DGLUCY: variants seen among roughly 807,000 people sequenced by gnomAD.
The protein encoded by DGLUCY is D-glutamate cyclase, mitochondrial.
In DGLUCY, 58 loss-of-function variants were observed where a neutral mutation model predicts 58.5. That is an observed-to-expected ratio of 0.99 (90% CI 0.80 to 1.23). The LOEUF is 1.23. Among genes scored for constraint, DGLUCY ranks in the 50% most tolerant of loss-of-function variants. DGLUCY has a pLI of 0.00. For synonymous variants in DGLUCY, 325 were observed against 314.1 expected (o/e 1.03, Z -0.37); for missense variants, 779 against 784.7 (o/e 0.99, Z 0.09).
chr14:91,077,516 G>C (rs1332147788), intron 1 of DGLUCY, among the ~76,000 whole-genome samples: 2 of 152,000 alleles, frequency 1.3e-5, no homozygotes, highest in African/African-American at 4.8e-5. Context: ...CACTTTGGGA[G>C]GTCGAGGTGG....
intron 5 of DGLUCY, 50 bp from the exon 6 acceptor site, chr14:91,173,239 T>C: frequency 6.2e-7 from 1 of 1,606,874 alleles, no homozygotes; most frequent in Non-Finnish European, 8.5e-7. Flanking sequence ...GGATCTGTGC[T>C]AATTCCATTT....
At chr14:91,079,972 T>C (rs1428885444) in intron 1 of DGLUCY, among the ~76,000 whole-genome samples, 1 of 152,164 alleles carries the variant, frequency 6.6e-6, no homozygotes, top group Non-Finnish European at 1.5e-5. Flanking sequence ...ATTTTTCCCT[T>C]CCCCCAGGTA....
chr14:91,223,776 C>T, intron 13 of DGLUCY: 1 of 1,166,034 alleles, frequency 8.6e-7, no homozygotes, highest in Non-Finnish European at 1.1e-6. Context: ...GTGCCAAGGA[C>T]CCTGCTAAGT....
chr14:91,118,462 A>C (rs2045140783), intron 1 of DGLUCY, among the ~76,000 whole-genome samples: 1 of 92,036 alleles, frequency 1.1e-5, no homozygotes, highest in South Asian at 4.5e-4. Flanking sequence ...AGAGCTAGTT[A>C]ATAGATTTAC....
At chr14:91,071,535 T>C (rs1452762526) in intron 1 of DGLUCY, among the ~76,000 whole-genome samples, 2 of 152,092 alleles carry the variant, frequency 1.3e-5, no homozygotes, top group Admixed American at 6.6e-5. Context: ...TTGTTTTAAA[T>C]ACAGAACCAA....
At chr14:91,199,727 C>A in intron 10 of DGLUCY, 30 bp from the exon 11 acceptor site, 1 of 1,612,924 alleles carries the variant, frequency 6.2e-7, no homozygotes, top group Non-Finnish European at 8.5e-7. Context: ...CCATAGGACC[C>A]TCTGACCTCT....
chr14:91,161,829 T>A (rs982953044), intron 3 of DGLUCY, among the ~76,000 whole-genome samples: 45 of 138,756 alleles, frequency 3.2e-4, no homozygotes, highest in South Asian at 4.6e-4. Context: ...TTTTTTTTTT[T>A]AAATAAAAGT....
Position 91,215,426 on chromosome 14 carries a change from A to G in DGLUCY, c.1586A>G (p.Tyr529Cys). Residue 529 changes from tyrosine (Y) to cysteine (C), a missense_variant, in exon 13 of 14, where the codon TAT (tyrosine) becomes TGT (cysteine). Tyr to Cys is a radical substitution (Grantham distance 194, BLOSUM62 -2). Transcript: ENST00000256324. ...VIAGVSNWGG[Y>C]ALACALYILY... ...CTAGGTGTTTCTAACTGGGGAGGCT[A>G]TGCCCTGGCCTGCGCACTCTACATC... 2 of 1,609,192 alleles carry G rather than the reference A, an allele frequency of 1.2e-6. No homozygotes were observed. The highest frequency in any genetic ancestry group is 1.7e-6 in the Non-Finnish European group (2 of 1,176,330).
At chr14:91,138,493 AAAAAAG>A (rs1468069452) in intron 1 of DGLUCY, among the ~76,000 whole-genome samples, 1 of 152,174 alleles carries the variant, frequency 6.6e-6, no homozygotes, top group Admixed American at 6.5e-5. Flanking sequence ...TTTTGTCTAG[AAAAAAG>A]AAAAAGAAAA....
chr14:91,208,263 A>T (rs1431180286), intron 12 of DGLUCY, among the ~76,000 whole-genome samples: 1 of 152,224 alleles, frequency 6.6e-6, no homozygotes, highest in East Asian at 1.9e-4. Context: ...CAGAGACTTG[A>T]ATCTACATAA....
intron 12 of DGLUCY, 167 bp downstream of exon 12, chr14:91,204,992 C>T (rs1313896975): frequency 2.3e-6 from 2 of 873,804 alleles, no homozygotes; most frequent in East Asian, 2.8e-5. Flanking sequence ...AGTCATTCAA[C>T]AAACATTTAC....
At chr14:91,108,524 TGTGAGA>T (rs1409323696) in intron 1 of DGLUCY, among the ~76,000 whole-genome samples, 28 of 40,586 alleles carry the variant, frequency 6.9e-4, no homozygotes, top group African/African-American at 1.3e-3. Context: ...TGTGTGTGTG[TGTGAGA>T]GAGAGAGAGA....
At chr14:91,196,234 G>A (rs896922834) in intron 9 of DGLUCY, 141 bp from the exon 10 acceptor site, 34 of 659,316 alleles carry the variant, frequency 5.2e-5, no homozygotes, top group East Asian at 8.4e-5. Context: ...TCATGGCCTC[G>A]GCTTACCTAA....
chr14:91,182,872 C>T (rs1234263615), intron 8 of DGLUCY, among the ~76,000 whole-genome samples: 1 of 148,930 alleles, frequency 6.7e-6, no homozygotes, highest in Non-Finnish European at 1.5e-5. Flanking sequence ...GGTGGGATCC[C>T]CTAGGGGACC....
At chr14:91,107,083 C>T (rs944467091), upstream of DGLUCY, among the ~76,000 whole-genome samples, 1 of 152,158 alleles carries the variant, frequency 6.6e-6, no homozygotes, top group African/African-American at 2.4e-5. Flanking sequence ...CTGATGTCCA[C>T]AAATGTCCAT....
chr14:91,122,868 A>G (rs1169838779), intron 1 of DGLUCY, among the ~76,000 whole-genome samples: 1 of 152,124 alleles, frequency 6.6e-6, no homozygotes, highest in African/African-American at 2.4e-5. Context: ...CAGCCTCCCA[A>G]AGTGCTGGGA....
chr14:91,206,451 C>T (rs1053778990), intron 12 of DGLUCY, among the ~76,000 whole-genome samples: 2 of 152,022 alleles, frequency 1.3e-5, no homozygotes, highest in Non-Finnish European at 2.9e-5. Context: ...GGCACGATCT[C>T]AGCTCACTGC....
At chr14:91,109,771 C>T (rs542250915), upstream of DGLUCY, among the ~76,000 whole-genome samples, 5 of 152,310 alleles carry the variant, frequency 3.3e-5, no homozygotes, top group South Asian at 4.1e-4. Flanking sequence ...CTCCCAAAAA[C>T]CCATCTCCAG....
chr14:91,061,856 T>G (rs569035075), intron 1 of DGLUCY, among the ~76,000 whole-genome samples: 33 of 152,126 alleles, frequency 2.2e-4, no homozygotes, highest in African/African-American at 7.5e-4. Context: ...AGGAGAGAGA[T>G]AGCAGGGCAG....
Sources: allele counts gnomAD v4.1 joint callset (sites outside exome capture counted in the v4.1 genomes callset), GRCh38; gene constraint gnomAD v4.1.1; transcripts MANE v1.5; gene names NCBI Gene and HGNC (gene_info 2026-07-23, HGNC 2026-07-21).